HGF: variants seen among roughly 807,000 people sequenced by gnomAD.
HGF encodes the protein hepatocyte growth factor, also known as fibroblast-derived tumor cytotoxic factor.
Under a neutral mutation model 111.6 loss-of-function variants are expected in HGF, and 39 were observed. The observed-to-expected ratio is 0.35, with a 90% CI of 0.27 to 0.46. The LOEUF (loss-of-function observed/expected upper bound fraction) is 0.46, where lower values mean the gene tolerates loss of function less well. HGF is among the 20% of genes least tolerant of loss of function. HGF has a pLI of 1.00. For missense variants in HGF, 735 were observed against 910.5 expected, an observed-to-expected ratio of 0.81 and a Z score of 2.48; for synonymous variants, 285 against 294.8, an observed-to-expected ratio of 0.97 and a Z score of 0.34.
intron 5 of HGF, among the ~76,000 whole-genome samples, chr7:81,747,073 T>C (rs576987769): frequency 2.8e-4 from 43 of 152,284 alleles, no homozygotes; most frequent in Middle Eastern, 6.8e-3. Flanking sequence ...GCACGGTGGC[T>C]CACGCCTGTA....
rs1789738571 is a variant in HGF at position 81,717,294 on chromosome 7, T to C, written c.1343A>G (p.His448Arg). 6.2e-7 allele frequency: 1 copy of C among 1,613,382 alleles called. No individual in the cohort carries two copies. The highest frequency in any genetic ancestry group is 8.5e-7 in the Non-Finnish European group (1 of 1,179,432). The change falls in exon 11 of 18, where the codon CAT becomes CGT. Residue 448 changes from histidine (H) to arginine (R), a missense_variant. By Grantham distance (29) the His-to-Arg change is conservative. This residue lies in a region of HGF where 553 missense variants were observed against 685.6 expected (regional missense o/e 0.81). Coordinates refer to ENST00000222390, the MANE Select transcript of HGF (RefSeq NM_000601.6). ...ATTTCCCGTGTAGCACCAGGGTCCA[T>C]GAGCATCATCATCTGGATTTCGGCA... ...NYCRNPDDDA[H>R]GPWCYTGNPL...
intron 11 of HGF, among the ~76,000 whole-genome samples, chr7:81,714,288 T>A (rs1789654337): frequency 6.6e-6 from 1 of 152,160 alleles, no homozygotes; most frequent in Non-Finnish European, 1.5e-5. Flanking sequence ...TTTGTATTTT[T>A]ATAAACATAG....
chr7:81,742,767 A>T (rs1336156408), intron 7 of HGF: 1 of 1,509,740 alleles, frequency 6.6e-7, no homozygotes, highest in Non-Finnish European at 8.9e-7. Context: ...GATTGTATGG[A>T]CTGCTAAAAG....
intron 5 of HGF, chr7:81,751,776 A>T (rs763867460): frequency 6.5e-5 from 72 of 1,107,022 alleles, no homozygotes; most frequent in Non-Finnish European, 2.7e-5. Context: ...TGAAAGGCTA[A>T]GCTTCATTCA....
At chr7:81,751,430 G>T in intron 5 of HGF, 1 of 985,208 alleles carries the variant, frequency 1.0e-6, no homozygotes, top group Non-Finnish European at 1.2e-6. Flanking sequence ...GTTTTCCACT[G>T]CAAAAGTAAG....
chr7:81,729,875 T>A, intron 7 of HGF, 96 bp from the exon 8 acceptor site: 1 of 1,112,054 alleles, frequency 9.0e-7, no homozygotes. Flanking sequence ...ATTAGCAGAT[T>A]TTTTTTTCTG....
intron 7 of HGF, among the ~76,000 whole-genome samples, chr7:81,735,336 T>C (rs2115963271): frequency 6.6e-6 from 1 of 152,180 alleles, no homozygotes; most frequent in Non-Finnish European, 1.5e-5. Context: ...TTCTATAGCC[T>C]TATTCTTTAG....
At chr7:81,763,852 A>C (rs1015220925) in intron 1 of HGF, among the ~76,000 whole-genome samples, 1 of 152,166 alleles carries the variant, frequency 6.6e-6, no homozygotes, top group Non-Finnish European at 1.5e-5. Context: ...TTCATTTTTC[A>C]GCCAAAGAAA....
chr7:81,769,396 A>G (rs1037206448), intron 1 of HGF, among the ~76,000 whole-genome samples: 1 of 152,200 alleles, frequency 6.6e-6, no homozygotes, highest in Non-Finnish European at 1.5e-5. Flanking sequence ...TGCCTCCTCA[A>G]AATGAAAACC....
chr7:81,759,266 T>C (rs1003960620), intron 2 of HGF, among the ~76,000 whole-genome samples: 1 of 152,122 alleles, frequency 6.6e-6, no homozygotes, highest in Non-Finnish European at 1.5e-5. Context: ...ATTTACAAAG[T>C]GTATAACTGT....
chr7:81,707,549 G>T (rs374011329), intron 13 of HGF, among the ~76,000 whole-genome samples, 185 bp from the exon 14 acceptor site: 4 of 152,042 alleles, frequency 2.6e-5, no homozygotes, highest in African/African-American at 9.7e-5. Flanking sequence ...TGATTGTAGC[G>T]TTAGCTTTTT....
chr7:81,756,996 T>G (rs1788805953), intron 4 of HGF, 193 bp downstream of exon 4: 5 of 602,748 alleles, frequency 8.3e-6, no homozygotes, highest in Middle Eastern at 4.2e-4. Context: ...TTGTTTTGGC[T>G]ACATTTTATT....
At chr7:81,739,212 C>T (rs576703299) in intron 7 of HGF, among the ~76,000 whole-genome samples, 9 of 152,036 alleles carry the variant, frequency 5.9e-5, no homozygotes, top group Non-Finnish European at 1.3e-4. Context: ...TGTACATTCC[C>T]CCTTTTGATA....
intron 10 of HGF, 29 bp from the exon 11 acceptor site, chr7:81,717,394 C>T (rs1261029429): frequency 1.2e-6 from 2 of 1,604,216 alleles, no homozygotes; most frequent in African/African-American, 1.3e-5. Flanking sequence ...TTGCACATCA[C>T]AAGATGCTCA....
intron 2 of HGF, among the ~76,000 whole-genome samples, chr7:81,762,039 A>G (rs925668823): frequency 5.9e-5 from 9 of 152,274 alleles, no homozygotes; most frequent in African/African-American, 1.9e-4. Context: ...TTAACAGGCC[A>G]CAGACTAGTG....
At chr7:81,715,180 T>A (rs1434273633) in intron 11 of HGF, among the ~76,000 whole-genome samples, 1 of 152,070 alleles carries the variant, frequency 6.6e-6, no homozygotes. Context: ...TTTTTAAAAA[T>A]CTGGAAATCT....
At position 81,720,819 on chromosome 7, in the gene HGF, A is replaced by G; in HGVS notation, c.1197T>C (p.Tyr399=). Residue 399 remains tyrosine, a synonymous_variant, in exon 10 of 18, where the codon TAT becomes TAC. Coordinates refer to ENST00000222390, the MANE Select transcript of HGF (RefSeq NM_000601.6). The stretch of plus-strand genomic sequence containing the variant: ...ATCTTGTTTGGGATAAGTTGCCCAT[A>G]TAATTTTTGCCATTCCCACGATAAC... The part of the protein sequence containing the change: ...QDCYRGNGKN[Y]MGNLSQTRSG... The G allele has an allele frequency of 6.2e-7, 1 of 1,611,932 alleles. No homozygotes were observed. The highest frequency in any genetic ancestry group is 8.5e-7 in the Non-Finnish European group (1 of 1,177,996).
At chr7:81,754,254 T>C (rs1379478835) in intron 4 of HGF, among the ~76,000 whole-genome samples, 1 of 152,008 alleles carries the variant, frequency 6.6e-6, no homozygotes, top group African/African-American at 2.4e-5. Context: ...ATTTCCCTTT[T>C]TCTATATCAT....
rs5745666 is a variant in HGF, at chr7:81,745,035, A to G, written c.711T>C (p.His237=). 2.0e-3 allele frequency: 3,280 copies of G among 1,613,994 alleles called. 56 individuals carry two copies. The African/African-American group carries it at 0.038, about 18-fold the overall frequency. The part of the protein sequence containing the change: ...ESGKICQRWD[H]QTPHRHKFLP... Reference sequence around the variant, plus strand: ...AGAATTTGTGCCGGTGTGGTGTCTGATGATCCCAGCGCTGACAAATCTTGC... The same window carrying G: ...AGAATTTGTGCCGGTGTGGTGTCTGGTGATCCCAGCGCTGACAAATCTTGC... The change falls in exon 6 of 18, where the codon CAT becomes CAC. Residue 237 remains histidine (H), a synonymous_variant. Coordinates refer to ENST00000222390, the MANE Select transcript of HGF (RefSeq NM_000601.6).
Sources: allele counts gnomAD v4.1 joint callset (sites outside exome capture counted in the v4.1 genomes callset), GRCh38; gene constraint gnomAD v4.1.1; regional missense constraint gnomAD v4.1.1; transcripts MANE v1.5; gene names NCBI Gene and HGNC (gene_info 2026-07-23, HGNC 2026-07-21).